The following DNM3 variants were observed in gnomAD, a reference collection of about 807,000 sequenced individuals.
DNM3 encodes dynamin 3, also known as dynamin-3.
Under a neutral mutation model 101.6 loss-of-function variants are expected in DNM3, and 47 were observed. The observed-to-expected ratio is 0.46, with a 90% CI of 0.37 to 0.59. DNM3 has a LOEUF of 0.59. Ranked by LOEUF, DNM3 falls within the 20% of genes least tolerant of loss-of-function variation. The pLI, the probability that DNM3 is intolerant of heterozygous loss-of-function variation, is 0.00. For missense variants in DNM3, 849 were observed against 1,085.7 expected, an observed-to-expected ratio of 0.78 and a Z score of 3.06; for synonymous variants, 385 against 387.9, an observed-to-expected ratio of 0.99 and a Z score of 0.09.
At chr1:172,144,780 C>T (rs2057787826) in intron 14 of DNM3, 6 of 325,676 alleles carry the variant, frequency 1.8e-5, no homozygotes, top group South Asian at 1.5e-4. Context: ...CCAGTCTTGA[C>T]GTGGCACATT....
At chr1:172,219,240 T>A (rs2060815133) in intron 14 of DNM3, among the ~76,000 whole-genome samples, 1 of 151,884 alleles carries the variant, frequency 6.6e-6, no homozygotes, top group Non-Finnish European at 1.5e-5. Context: ...CATGCACCCC[T>A]GGTCCCAGCT....
chr1:171,888,085 T>C (rs1051294594), intron 1 of DNM3, among the ~76,000 whole-genome samples: 8 of 151,966 alleles, frequency 5.3e-5, no homozygotes, highest in East Asian at 1.9e-4. Context: ...TCTTTTTTTT[T>C]CTTCTATTCT....
chr1:172,093,677 T>C (rs2054064611), intron 13 of DNM3: 2 of 1,604,060 alleles, frequency 1.2e-6, no homozygotes, highest in Non-Finnish European at 1.7e-6. Flanking sequence ...CTAAAGCATA[T>C]AATTCTTTGC....
intron 10 of DNM3, among the ~76,000 whole-genome samples, chr1:172,058,605 TA>T (rs1474514831): frequency 6.6e-6 from 1 of 152,124 alleles, no homozygotes; most frequent in Non-Finnish European, 1.5e-5. Context: ...ACTGGGTACA[TA>T]ACGAAATGAA....
intron 1 of DNM3, among the ~76,000 whole-genome samples, chr1:171,856,875 A>G (rs973707047): frequency 2.0e-5 from 3 of 152,190 alleles, no homozygotes; most frequent in African/African-American, 7.2e-5. Context: ...TGCCTGAAGA[A>G]GCAGTCTTTC....
At chr1:172,211,332 A>G (rs611001) in intron 14 of DNM3, among the ~76,000 whole-genome samples, 12 of 152,090 alleles carry the variant, frequency 7.9e-5, no homozygotes, top group Admixed American at 2.6e-4. Flanking sequence ...TGAACCGTCT[A>G]AAGTTTTCCT....
At chr1:172,272,462 G>A (rs939633735) in intron 15 of DNM3, among the ~76,000 whole-genome samples, 1 of 152,036 alleles carries the variant, frequency 6.6e-6, no homozygotes, top group African/African-American at 2.4e-5. Flanking sequence ...GTTTATGCTA[G>A]GGCACCCACC....
At chr1:172,243,110 C>T (rs2061810793) in intron 14 of DNM3, among the ~76,000 whole-genome samples, 3 of 152,142 alleles carry the variant, frequency 2.0e-5, no homozygotes, top group African/African-American at 7.2e-5. Flanking sequence ...CATCTTTAGT[C>T]ATAAGTCCTT....
At chr1:171,917,505 T>A (rs918451502) in intron 1 of DNM3, among the ~76,000 whole-genome samples, 20 of 152,204 alleles carry the variant, frequency 1.3e-4, no homozygotes, top group African/African-American at 4.6e-4. Context: ...ATTAACTTAC[T>A]GCCTGAAGAC....
chr1:172,179,314 T>C (rs2059263875), intron 14 of DNM3, among the ~76,000 whole-genome samples: 1 of 151,996 alleles, frequency 6.6e-6, no homozygotes, highest in South Asian at 2.1e-4. Context: ...TTACTCCCAC[T>C]AGTATTTAAC....
chr1:172,289,886 G>T (rs1361373241), intron 15 of DNM3: 1 of 972,588 alleles, frequency 1.0e-6, no homozygotes, highest in Non-Finnish European at 1.2e-6. Context: ...TAGTTTTATT[G>T]TACTGTTGGG....
In DNM3 at chr1:172,006,877, G is replaced by C. The variant is rs149965794; in HGVS notation, c.589+17729G>C. Reference sequence around the variant, plus strand: ...TTTTCTGTCACTATAAATTAGATTTGTCTTTTCTAGAGTTTCATGTAAATG... The same window carrying C: ...TTTTCTGTCACTATAAATTAGATTTCTCTTTTCTAGAGTTTCATGTAAATG... On this transcript the variant is annotated intron_variant, in intron 4 of 20. Transcript: ENST00000627582. 8.4e-3 allele frequency among the ~76,000 whole-genome samples: 1,279 copies of C among 152,144 alleles called. 16 individuals are homozygous for C. Among genetic ancestry groups the C allele is most frequent in the African/African-American group, 0.029 (1,198 of 41,520 alleles).
At chr1:172,177,436 TAC>T (rs2059193535) in intron 14 of DNM3, among the ~76,000 whole-genome samples, 1 of 151,908 alleles carries the variant, frequency 6.6e-6, no homozygotes, top group Non-Finnish European at 1.5e-5. Flanking sequence ...TAGGGTTTGT[TAC>T]AATTCAAGGT....
chr1:171,856,899 A>C (rs1009857271), intron 1 of DNM3, among the ~76,000 whole-genome samples: 11 of 152,152 alleles, frequency 7.2e-5, no homozygotes, highest in Non-Finnish European at 1.5e-4. Context: ...TTTTCTTTGG[A>C]GAGTCCAAGA....
intron 17 of DNM3, among the ~76,000 whole-genome samples, chr1:172,343,843 C>T (rs544366958): frequency 7.2e-5 from 11 of 152,206 alleles, no homozygotes; most frequent in Admixed American, 4.6e-4. Flanking sequence ...GTGAACTGAA[C>T]GGCTCAACCA....
At chr1:172,030,157 T>C (rs1202185830) in intron 4 of DNM3, among the ~76,000 whole-genome samples, 4 of 152,156 alleles carry the variant, frequency 2.6e-5, no homozygotes, top group African/African-American at 9.7e-5. Flanking sequence ...CTTCAAATTA[T>C]ACTACAAGGC....
At chr1:172,004,238 A>G (rs1389050717) in intron 4 of DNM3, among the ~76,000 whole-genome samples, 1 of 152,090 alleles carries the variant, frequency 6.6e-6, no homozygotes, top group Admixed American at 6.6e-5. Flanking sequence ...TAAAGAGAAG[A>G]AAGAAAAATG....
intron 17 of DNM3, among the ~76,000 whole-genome samples, chr1:172,370,472 G>A (rs1322105721): frequency 6.6e-6 from 1 of 151,906 alleles, no homozygotes; most frequent in East Asian, 1.9e-4. Flanking sequence ...TTAGACCAGA[G>A]TTCTATTTTG....
At chr1:171,882,203 C>T (rs181311654) in intron 1 of DNM3, among the ~76,000 whole-genome samples, 2,163 of 151,962 alleles carry the variant, frequency 0.014, 61 homozygotes, top group African/African-American at 0.048. Flanking sequence ...ATTAGCTGGG[C>T]GTGGTGGTGC....
Sources: allele counts gnomAD v4.1 joint callset (sites outside exome capture counted in the v4.1 genomes callset), GRCh38; gene constraint gnomAD v4.1.1; transcripts MANE v1.5; gene names NCBI Gene and HGNC (gene_info 2026-07-23, HGNC 2026-07-21).